The following FMN2 variants were observed in gnomAD, a reference collection of about 807,000 sequenced individuals.
FMN2 encodes formin 2.
A neutral mutation model predicts 142.3 loss-of-function variants in FMN2; 51 were observed. The observed-to-expected ratio is 0.36, with a 90% CI of 0.29 to 0.45. FMN2 has a LOEUF of 0.45. Among genes scored for constraint, FMN2 ranks in the 20% least tolerant of loss-of-function variants. The probability of loss-of-function intolerance (pLI) is 1.00; values close to 1 mark genes in which losing one functional copy is unlikely to be tolerated. For missense variants in FMN2, 1,936 were observed against 2,122.8 expected (o/e 0.91, Z 1.73); for synonymous variants, 882 against 869.8 (o/e 1.01, Z -0.25).
rs116635858 is a variant in FMN2 at position 240,339,588 on chromosome 1, G to A, written c.4765+5359G>A. Among the ~76,000 whole-genome samples the A allele has an allele frequency of 6.1e-3, 930 of 152,062 alleles. 12 individuals carry two copies. Among genetic ancestry groups the A allele is most frequent in the African/African-American group, 0.021 (869 of 41,518 alleles). On this transcript the variant is annotated intron_variant, in intron 13 of 17. Transcript: ENST00000319653. Reference sequence around the variant, plus strand: ...AATTTACCATCTTTACCATTTTTAAGTTATATTTTAAAATTAATATCTGTT... The same window carrying A: ...AATTTACCATCTTTACCATTTTTAAATTATATTTTAAAATTAATATCTGTT...
intron 7 of FMN2, among the ~76,000 whole-genome samples, chr1:240,282,911 T>C (rs375402758): frequency 6.6e-6 from 1 of 152,154 alleles, no homozygotes; most frequent in East Asian, 1.9e-4. Context: ...TGTTATGTAA[T>C]ATACATTTTG....
chr1:240,133,960 G>A (rs1460176768), intron 2 of FMN2, among the ~76,000 whole-genome samples: 2 of 152,156 alleles, frequency 1.3e-5, no homozygotes, highest in Admixed American at 1.3e-4. Flanking sequence ...TCCTAGACTG[G>A]ATTCTAATCC....
At position 240,195,143 on chromosome 1, in the gene FMN2, A is replaced by G. The variant is rs1665864438; in HGVS notation, c.1986+6881A>G. Among the ~76,000 whole-genome samples the G allele has an allele frequency of 2.0e-5, 3 of 152,172 alleles. No homozygotes were observed. In the South Asian group the frequency reaches 6.2e-4, roughly 32 times the overall value. Reference sequence around the variant, plus strand: ...TTTGCGAACTCACCTACTTGCTAACATTTATTTGGAGCCCCCAAATCATAT... The same window carrying G: ...TTTGCGAACTCACCTACTTGCTAACGTTTATTTGGAGCCCCCAAATCATAT... On this transcript the variant is annotated intron_variant, in intron 4 of 17. Coordinates refer to ENST00000319653, the MANE Select transcript of FMN2 (RefSeq NM_020066.5).
intron 14 of FMN2, among the ~76,000 whole-genome samples, chr1:240,381,755 G>A (rs1673233875): frequency 6.6e-6 from 1 of 152,086 alleles, no homozygotes; most frequent in South Asian, 2.1e-4. Flanking sequence ...TGCAGAAAAG[G>A]CATTCAGTAA....
chr1:240,122,798 A>C (rs562982572), intron 1 of FMN2, among the ~76,000 whole-genome samples: 13 of 152,152 alleles, frequency 8.5e-5, no homozygotes, highest in African/African-American at 3.1e-4. Flanking sequence ...CACACCTATA[A>C]ATCTAGCCAC....
chr1:240,281,259 A>C (rs568718614), intron 7 of FMN2, among the ~76,000 whole-genome samples: 26 of 152,230 alleles, frequency 1.7e-4, no homozygotes, highest in African/African-American at 6.3e-4. Context: ...AGTCTATGGC[A>C]TTCTGGGATT....
At chr1:240,173,661 G>A (rs1042014784) in intron 2 of FMN2, among the ~76,000 whole-genome samples, 1 of 152,104 alleles carries the variant, frequency 6.6e-6, no homozygotes, top group South Asian at 2.1e-4. Context: ...GAAGAGTTGG[G>A]ATTTGATTCT....
In FMN2 at chr1:240,368,374, GTTTA is replaced by G. The variant is rs532998847; in HGVS notation, c.4858+12472_4858+12475del. Among the ~76,000 whole-genome samples the G allele has an allele frequency of 1.7e-3, 256 of 152,188 alleles. 1 individual carries two copies. The highest frequency in any genetic ancestry group is 2.4e-3 in the Non-Finnish European group (160 of 67,978). ...ATCTATGAACATGGTACAGACTAGT[GTTTA>G]TTTATGTTTCCTTTAATATCTGCCC... is the stretch of plus-strand genomic sequence containing the variant. On this transcript the variant is annotated intron_variant, in intron 14 of 17. Coordinates refer to ENST00000319653, the MANE Select transcript of FMN2 (RefSeq NM_020066.5).
chr1:240,267,416 A>G (rs917274692), intron 7 of FMN2, among the ~76,000 whole-genome samples: 2 of 151,692 alleles, frequency 1.3e-5, no homozygotes, highest in African/African-American at 2.4e-5. Flanking sequence ...TTCTCACTTA[A>G]AAGTGGGAGC....
Position 240,208,094 on chromosome 1 carries a change from G to T in FMN2, c.3282G>T (p.Ala1094=). The part of the protein sequence containing the change: ...GIPPPPPLPG[A]GIPPPPPLPG... ...CCCCACCTCCCCCTCTACCCGGAGC[G>T]GGCATACCCCCTCCGCCCCCTCTAC... The change falls in exon 5 of 18, where the codon GCG becomes GCT. Residue 1094 remains alanine (A), a synonymous_variant. Coordinates refer to ENST00000319653, the MANE Select transcript of FMN2 (RefSeq NM_020066.5). 2.3e-6 allele frequency: 2 copies of T among 885,554 alleles called. No homozygotes were observed. The highest frequency in any genetic ancestry group is 3.2e-5 in the African/African-American group (1 of 30,910). The allele number at this position is 885,554 out of a possible 1,614,324, so 54.9% of individuals were successfully genotyped here.
chr1:240,114,181 T>A (rs1661928693), intron 1 of FMN2, among the ~76,000 whole-genome samples: 1 of 152,212 alleles, frequency 6.6e-6, no homozygotes, highest in African/African-American at 2.4e-5. Context: ...CCAGACATCA[T>A]GTTATTTTAA....
chr1:240,183,520 A>G (rs114293740), intron 3 of FMN2, among the ~76,000 whole-genome samples: 1,826 of 149,506 alleles, frequency 0.012, 27 homozygotes, highest in South Asian at 0.051. Flanking sequence ...TATATATTAC[A>G]TAGTATGTGC....
At chr1:240,433,825 T>C (rs1018156375) in intron 15 of FMN2, among the ~76,000 whole-genome samples, 3 of 152,194 alleles carry the variant, frequency 2.0e-5, no homozygotes, top group African/African-American at 7.2e-5. Flanking sequence ...CGTGAGGAGT[T>C]TGTCCTTAGC....
chr1:240,216,929 A>G (rs1221241434), intron 6 of FMN2, among the ~76,000 whole-genome samples: 15 of 151,086 alleles, frequency 9.9e-5, no homozygotes, highest in Admixed American at 9.9e-4. Flanking sequence ...AGCCTGGGCA[A>G]CAGAGCGAGA....
intron 16 of FMN2, among the ~76,000 whole-genome samples, chr1:240,439,504 A>G (rs746470071): frequency 1.7e-4 from 26 of 152,156 alleles, no homozygotes; most frequent in Non-Finnish European, 2.6e-4. Flanking sequence ...GCTTACTCCT[A>G]TAATAATTAC....
chr1:240,339,085 G>A (rs1032267873), intron 13 of FMN2, among the ~76,000 whole-genome samples: 5 of 152,082 alleles, frequency 3.3e-5, no homozygotes, highest in South Asian at 2.1e-4. Context: ...GATGAGGAGC[G>A]GCTATAAATA....
rs1323249750 is a variant in FMN2 at position 240,355,800 on chromosome 1, T to C, written c.4766-16T>C. 3.2e-6 allele frequency: 5 copies of C among 1,583,558 alleles called. No homozygotes were observed. The highest frequency in any genetic ancestry group is 4.3e-6 in the Non-Finnish European group (5 of 1,154,054). On this transcript the variant is annotated splice_polypyrimidine_tract_variant and intron_variant, in intron 13 of 17. Coordinates refer to ENST00000319653, the MANE Select transcript of FMN2 (RefSeq NM_020066.5). ...TAACAGTGTGACACTCTAAATAATG[T>C]TCTGTCTAATTTCAGCCTGTGAAGT...
At chr1:240,173,499 TCAAC>T (rs1248180540) in intron 2 of FMN2, among the ~76,000 whole-genome samples, 2 of 152,222 alleles carry the variant, frequency 1.3e-5, no homozygotes, top group East Asian at 3.9e-4. Context: ...AAATGGGACT[TCAAC>T]TAGATTTTTT....
rs139694566 is a variant in FMN2 at position 240,277,827 on chromosome 1, G to A, written c.4154-16995G>A. 7.2e-5 allele frequency among the ~76,000 whole-genome samples: 11 copies of A among 152,030 alleles called. No individual in the cohort carries two copies. In the East Asian group the frequency reaches 7.8e-4, roughly 11 times the overall value. On this transcript the variant is annotated intron_variant, in intron 7 of 17. Coordinates refer to ENST00000319653, the MANE Select transcript of FMN2 (RefSeq NM_020066.5). ...TAGGATTACAGGTGTGAGCCACAGC[G>A]CCTGGCCCGTACCTACATCTTCTAA...
Sources: allele counts gnomAD v4.1 joint callset (sites outside exome capture counted in the v4.1 genomes callset), GRCh38; gene constraint gnomAD v4.1.1; transcripts MANE v1.5; gene names NCBI Gene and HGNC (gene_info 2026-07-23, HGNC 2026-07-21).